The following NFAT5 variants were observed in gnomAD, a reference collection of about 807,000 sequenced individuals.
NFAT5 encodes nuclear factor of activated T-cells 5.
Under a neutral mutation model 166.5 loss-of-function variants are expected in NFAT5, and 31 were observed. That is an observed-to-expected ratio of 0.19 (90% CI 0.14 to 0.25). NFAT5 has a LOEUF of 0.25. Among genes scored for constraint, NFAT5 ranks in the 10% least tolerant of loss-of-function variants. The pLI is 1.00. For synonymous variants in NFAT5, 612 were observed against 639.7 expected (o/e 0.96, Z 0.65); for missense variants, 1,449 against 1,821.8 (o/e 0.80, Z 3.72).
At chr16:69,684,806 A>G in intron 10 of NFAT5, 81 bp from the exon 11 acceptor site, 1 of 856,048 alleles carries the variant, frequency 1.2e-6, no homozygotes, top group South Asian at 1.9e-5. Context: ...TTGTGACAAG[A>G]TATTCTAATT....
At chr16:69,597,882 C>G (rs1477084013) in intron 2 of NFAT5, among the ~76,000 whole-genome samples, 2 of 152,010 alleles carry the variant, frequency 1.3e-5, no homozygotes, top group Non-Finnish European at 2.9e-5. Context: ...CGTGAGCCAC[C>G]ACGCCCAGCC....
At position 69,657,038 on chromosome 16, in the gene NFAT5, A is replaced by G. The variant is rs576601918; in HGVS notation, c.1196+1239A>G. The stretch of plus-strand genomic sequence containing the variant: ...ATTATTTGTATATTGGATAGTTGCT[A>G]AAGACTTTACTTGGTTTTCAGTTTT... On this transcript the variant is annotated intron_variant, in intron 6 of 14. Transcript: ENST00000349945. 1.1e-4 allele frequency among the ~76,000 whole-genome samples: 16 copies of G among 152,318 alleles called. No individual in the cohort carries two copies. In the South Asian group the frequency reaches 1.2e-3, roughly 12 times the overall value.
chr16:69,616,165 G>T (rs2033934815), intron 2 of NFAT5, among the ~76,000 whole-genome samples: 2 of 151,936 alleles, frequency 1.3e-5, no homozygotes. Flanking sequence ...CCCACCGTAG[G>T]CAACCCTTCT....
At chr16:69,653,197 T>C in intron 4 of NFAT5, 39 bp from the exon 5 acceptor site, 1 of 1,415,634 alleles carries the variant, frequency 7.1e-7, no homozygotes, top group Non-Finnish European at 9.5e-7. Context: ...CAAAAAACTC[T>C]TTTTGATACT....
chr16:69,651,214 C>T (rs2035652184), intron 4 of NFAT5, among the ~76,000 whole-genome samples: 1 of 152,198 alleles, frequency 6.6e-6, no homozygotes. Flanking sequence ...ATTTCTTCAG[C>T]ACCTGTTATG....
chr16:69,581,119 G>A lies in NFAT5; in HGVS notation c.127+12571G>A, dbSNP rs577992003. Among the ~76,000 whole-genome samples, 339 of 152,054 alleles carry A rather than the reference G, an allele frequency of 2.2e-3. 2 individuals carry two copies. The highest frequency in any genetic ancestry group is 5.8e-3 in the South Asian group (28 of 4,820). On this transcript the variant is annotated intron_variant, in intron 2 of 14. Transcript: ENST00000349945. ...TGCAGTGGTGCGATCCTGGCTCACT[G>A]CAACCTCCGCCTTCTGGGTTCAAGT...
At chr16:69,637,311 G>C (rs945676475) in intron 3 of NFAT5, among the ~76,000 whole-genome samples, 1 of 152,134 alleles carries the variant, frequency 6.6e-6, no homozygotes, top group Non-Finnish European at 1.5e-5. Context: ...GTCTTCTTCT[G>C]AGCCCTCCAA....
intron 10 of NFAT5, among the ~76,000 whole-genome samples, chr16:69,682,854 TC>T (rs1211823422): frequency 3.3e-5 from 5 of 152,204 alleles, no homozygotes; most frequent in African/African-American, 1.2e-4. Context: ...TGTACAGATT[TC>T]CCTCTTTATT....
chr16:69,572,115 A>T (rs2016479112), intron 2 of NFAT5, among the ~76,000 whole-genome samples: 1 of 152,192 alleles, frequency 6.6e-6, no homozygotes, highest in South Asian at 2.1e-4. Flanking sequence ...CTACTATTCA[A>T]CTGAGTTTGC....
chr16:69,700,947 TACTTC>T lies in NFAT5; in HGVS notation c.*4597_*4601del, dbSNP rs570417469. 26 of 145,476 alleles carry T rather than the reference TACTTC, an allele frequency of 1.8e-4. No individual in the cohort carries two copies. Among genetic ancestry groups the T allele is most frequent in the African/African-American group, 6.7e-4 (26 of 38,886 alleles). 9.0% of individuals were successfully genotyped at this position (145,476 alleles called of 1,614,324 possible). On this transcript the variant is annotated 3_prime_UTR_variant, in exon 15 of 15. Coordinates refer to ENST00000349945, the MANE Select transcript of NFAT5 (RefSeq NM_138713.4). ...CCAGGTCCCAGTGCTCTAGTTACTT[TACTTC>T]TTTTTTTTTTTTTGAGATGGAGTCT...
At chr16:69,600,295 T>A (rs562752848) in intron 2 of NFAT5, among the ~76,000 whole-genome samples, 2 of 152,282 alleles carry the variant, frequency 1.3e-5, no homozygotes, top group Non-Finnish European at 2.9e-5. Context: ...ATTAGGAGTT[T>A]ATTGATAACC....
At position 69,565,972 on chromosome 16, in the gene NFAT5, C is replaced by T. The variant is rs930654814; in HGVS notation, c.-330C>T. Reference sequence around the variant, plus strand: ...CCCCACGGGGGCGGGGCTCAGATTCCTGTCAGCGGCGGCGGCGGTGGCGGC... The same window carrying T: ...CCCCACGGGGGCGGGGCTCAGATTCTTGTCAGCGGCGGCGGCGGTGGCGGC... On this transcript the variant is annotated 5_prime_UTR_variant, in exon 1 of 15. Transcript: ENST00000349945. 1.6e-5 allele frequency: 5 copies of T among 309,112 alleles called. No individual in the cohort carries two copies. The highest frequency in any genetic ancestry group is 9.5e-4 in the Middle Eastern group (1 of 1,058). 19.1% of individuals were successfully genotyped at this position (309,112 alleles called of 1,614,324 possible). A position where few individuals can be genotyped will look rare whatever the true frequency, so the allele number is the denominator to read the frequency against.
intron 4 of NFAT5, among the ~76,000 whole-genome samples, chr16:69,651,867 T>C (rs940666945): frequency 3.9e-5 from 6 of 151,960 alleles, no homozygotes; most frequent in Admixed American, 3.9e-4. Context: ...AGACGGGGTT[T>C]CACCATGTTG....
rs1353810987 is a variant in NFAT5, at chr16:69,699,233, G to A, written c.*2882G>A. 2 of 153,068 alleles carry A rather than the reference G, an allele frequency of 1.3e-5. No individual in the cohort carries two copies. Among genetic ancestry groups the A allele is most frequent in the Non-Finnish European group, 2.9e-5 (2 of 68,032 alleles). The allele number at this position is 153,068 out of a possible 1,614,324, so 9.5% of individuals were successfully genotyped here. A position where few individuals can be genotyped will look rare whatever the true frequency, so the allele number is the denominator to read the frequency against. On this transcript the variant is annotated 3_prime_UTR_variant, in exon 15 of 15. Transcript: ENST00000349945. ...GTGGATGAAGTGGCGACTGGCTTGT[G>A]TGCTGACTTCTGTGGTTTAGCAAGA...
At chr16:69,623,699 G>T (rs866715410) in intron 2 of NFAT5, among the ~76,000 whole-genome samples, 5 of 151,810 alleles carry the variant, frequency 3.3e-5, no homozygotes, top group Non-Finnish European at 5.9e-5. Context: ...TAGAGACAGG[G>T]TTTCTCCATG....
chr16:69,663,189 T>C (rs898508517), intron 7 of NFAT5, among the ~76,000 whole-genome samples: 3 of 152,172 alleles, frequency 2.0e-5, no homozygotes, highest in Admixed American at 6.5e-5. Flanking sequence ...ATCTTCCTTC[T>C]ATAGATACTC....
intron 2 of NFAT5, among the ~76,000 whole-genome samples, chr16:69,625,209 GT>G (rs1341411355): frequency 2.6e-5 from 4 of 151,916 alleles, no homozygotes; most frequent in African/African-American, 9.7e-5. Context: ...GCTCTAATTG[GT>G]TTTTTGAAGT....
chr16:69,685,046 T>A, intron 11 of NFAT5, 76 bp downstream of exon 11: 1 of 955,126 alleles, frequency 1.0e-6, no homozygotes, highest in Non-Finnish European at 1.6e-6. Flanking sequence ...TACTATTTTG[T>A]TTTCTCTTAG....
intron 2 of NFAT5, among the ~76,000 whole-genome samples, chr16:69,578,571 G>A (rs533207623): frequency 5.9e-5 from 9 of 152,136 alleles, no homozygotes; most frequent in South Asian, 4.1e-4. Flanking sequence ...AATAAAACTC[G>A]TGTTTAAGTG....
Sources: gnomAD v4.1 joint callset for allele counts (sites outside exome capture counted in the v4.1 genomes callset) on GRCh38, gnomAD v4.1.1 for gene constraint, MANE v1.5 for transcripts, NCBI Gene and HGNC (gene_info 2026-07-23, HGNC 2026-07-21) for gene names.